Variants in SPIDR observed in about 807,000 individuals in gnomAD.
SPIDR encodes the protein scaffold protein involved in DNA repair, also known as DNA repair-scaffolding protein.
In SPIDR, 93 loss-of-function variants were observed where a neutral mutation model predicts 104.6. The observed-to-expected ratio is 0.89, with a 90% confidence interval of 0.75 to 1.06. The LOEUF (loss-of-function observed/expected upper bound fraction) is 1.06. Among genes scored for constraint, SPIDR ranks in the 50% least tolerant of loss-of-function variants. SPIDR has a pLI of 0.00. For missense variants in SPIDR, 1,154 were observed against 1,111.2 expected (o/e 1.04, Z -0.55); for synonymous variants, 431 against 416.9 (o/e 1.03, Z -0.41).
At chr8:47,481,785 A>G (rs898448114) in intron 8 of SPIDR, among the ~76,000 whole-genome samples, 1 of 152,230 alleles carries the variant, frequency 6.6e-6, no homozygotes, top group African/African-American at 2.4e-5. Flanking sequence ...GAGTTTTAAA[A>G]AAGACTAGAA....
In SPIDR at chr8:47,495,989, G is replaced by T. The variant is rs370670349; in HGVS notation, c.1097+55447G>T. On this transcript the variant is annotated intron_variant, in intron 8 of 19. Transcript: ENST00000297423. The stretch of plus-strand genomic sequence containing the variant: ...TTTTAATTTCATTTTCATATTGTCT[G>T]ATCATATAGAAATACAATTTAAATT... Among the ~76,000 whole-genome samples, 12 of 151,954 alleles carry T rather than the reference G, an allele frequency of 7.9e-5. No homozygotes were observed. In the South Asian group the frequency reaches 1.7e-3, roughly 21 times the overall value.
intron 6 of SPIDR, among the ~76,000 whole-genome samples, chr8:47,402,116 G>A (rs193071462): frequency 9.2e-4 from 140 of 151,878 alleles, no homozygotes; most frequent in African/African-American, 2.9e-3. Context: ...TAAAAGAACA[G>A]AAATTATAAC....
chr8:47,325,594 A>G (rs1303392626), intron 5 of SPIDR, among the ~76,000 whole-genome samples: 1 of 152,240 alleles, frequency 6.6e-6, no homozygotes, highest in Non-Finnish European at 1.5e-5. Flanking sequence ...TACTTAAAAC[A>G]AGTTACTGAT....
At chr8:47,345,592 T>G (rs1159827785) in intron 5 of SPIDR, among the ~76,000 whole-genome samples, 1 of 152,248 alleles carries the variant, frequency 6.6e-6, no homozygotes, top group Non-Finnish European at 1.5e-5. Context: ...TTCCTATCCA[T>G]GAGCATGGAA....
chr8:47,438,168 G>A (rs1319976847), intron 7 of SPIDR, among the ~76,000 whole-genome samples: 1 of 152,224 alleles, frequency 6.6e-6, no homozygotes, highest in African/African-American at 2.4e-5. Context: ...CCTGTGCTCA[G>A]CTGGCACACT....
At chr8:47,378,750 A>T (rs782731139) in intron 5 of SPIDR, among the ~76,000 whole-genome samples, 1 of 152,198 alleles carries the variant, frequency 6.6e-6, no homozygotes. Context: ...CATTATGTAC[A>T]CCTAAGATGG....
chr8:47,708,248 G>A (rs1040417403), intron 14 of SPIDR, among the ~76,000 whole-genome samples: 5 of 152,332 alleles, frequency 3.3e-5, no homozygotes, highest in Middle Eastern at 3.4e-3. Flanking sequence ...GCAGTGAGCC[G>A]AAATTGTGCC....
At chr8:47,398,921 G>A (rs1280058098) in intron 6 of SPIDR, among the ~76,000 whole-genome samples, 1 of 152,160 alleles carries the variant, frequency 6.6e-6, no homozygotes, top group Non-Finnish European at 1.5e-5. Context: ...ATGCTGCCAG[G>A]GCTGACCTCT....
At chr8:47,620,273 C>CTTTTTTTT (rs61006472) in intron 10 of SPIDR, among the ~76,000 whole-genome samples, 1 of 82,926 alleles carries the variant, frequency 1.2e-5, no homozygotes, top group Non-Finnish European at 2.4e-5. Flanking sequence ...CCATTTAAAC[C>CTTTTTTTT]TTTTTTTTTT....
Position 47,688,284 on chromosome 8 carries a change from G to A in SPIDR, c.1686-12119G>A, listed in dbSNP as rs560921451. On this transcript the variant is annotated intron_variant, in intron 11 of 19. Coordinates refer to ENST00000297423, the MANE Select transcript of SPIDR (RefSeq NM_001080394.4). ...ACTACAGGCGCCCGCCACCATGCCC[G>A]GCTAAGTTTTTGTATGTTCAGTAGA... 8.5e-5 allele frequency among the ~76,000 whole-genome samples: 13 copies of A among 152,082 alleles called. No individual in the cohort carries two copies. In the East Asian group the frequency reaches 1.2e-3, roughly 14 times the overall value.
At chr8:47,549,625 T>C (rs1368248148) in intron 8 of SPIDR, among the ~76,000 whole-genome samples, 1 of 152,240 alleles carries the variant, frequency 6.6e-6, no homozygotes, top group Non-Finnish European at 1.5e-5. Context: ...TTGTTTTTTC[T>C]TGTAAATTTG....
At chr8:47,539,233 C>G (rs966492203) in intron 8 of SPIDR, among the ~76,000 whole-genome samples, 8 of 152,106 alleles carry the variant, frequency 5.3e-5, no homozygotes, top group Admixed American at 5.2e-4. Flanking sequence ...CGTTACTGCA[C>G]TAGCGGAGAT....
intron 5 of SPIDR, among the ~76,000 whole-genome samples, chr8:47,380,306 C>T (rs73565220): frequency 0.018 from 2,767 of 152,264 alleles, 83 homozygotes; most frequent in African/African-American, 0.064. Context: ...CCAGACAGGT[C>T]GTATCACAGT....
intron 8 of SPIDR, among the ~76,000 whole-genome samples, chr8:47,553,421 T>G (rs1392691224): frequency 1.3e-5 from 2 of 152,218 alleles, no homozygotes; most frequent in Admixed American, 6.5e-5. Context: ...AGTCCCATAT[T>G]TTTTGGAGGC....
intron 8 of SPIDR, among the ~76,000 whole-genome samples, chr8:47,525,368 C>T: frequency 6.6e-6 from 1 of 152,210 alleles, no homozygotes; most frequent in East Asian, 1.9e-4. Flanking sequence ...AAAAAAGTAT[C>T]TTTCTTTCTA....
Position 47,284,042 on chromosome 8 carries a change from AGAG to A in SPIDR, c.205_207del (p.Glu69del). On this transcript the variant is annotated inframe_deletion, in exon 3 of 20. Transcript: ENST00000297423. ...TTTGCCTACAGTCATTAACAGCTGA[AGAG>A]AAGACGATTACAGAAAAGCACCTTG... 1 of 1,611,402 alleles carries A rather than the reference AGAG, an allele frequency of 6.2e-7. No homozygotes were observed.
chr8:47,713,549 T>G lies in SPIDR; in HGVS notation c.2249T>G (p.Val750Gly), dbSNP rs772256096. 1.1e-5 allele frequency: 17 copies of G among 1,614,130 alleles called. No individual in the cohort carries two copies. In the Middle Eastern group the frequency reaches 6.6e-4, roughly 63 times the overall value. ...LLLQKPLLSV[V>G]SGASSCELPG... is the part of the protein sequence containing the mutation. ...CTTCAGAAGCCCCTTTTGAGTGTGG[T>G]CTCTGGTGCAAGTTCCTGTGAGCTG... Residue 750 changes from valine to glycine, a missense_variant, in exon 16 of 20, where the codon GTC becomes GGC. Coordinates refer to ENST00000297423, the MANE Select transcript of SPIDR (RefSeq NM_001080394.4).
At chr8:47,399,254 G>T (rs1554660727) in intron 6 of SPIDR, among the ~76,000 whole-genome samples, 1 of 152,098 alleles carries the variant, frequency 6.6e-6, no homozygotes, top group Non-Finnish European at 1.5e-5. Context: ...GTGAAGGGAG[G>T]CACAAATGGG....
chr8:47,441,413 A>G (rs2069403800), intron 8 of SPIDR, among the ~76,000 whole-genome samples: 1 of 152,090 alleles, frequency 6.6e-6, no homozygotes, highest in Non-Finnish European at 1.5e-5. Context: ...TGTTTTTAAG[A>G]ACCACTTGAA....
Sources: allele counts gnomAD v4.1 joint callset (sites outside exome capture counted in the v4.1 genomes callset), GRCh38; gene constraint gnomAD v4.1.1; transcripts MANE v1.5; gene names NCBI Gene and HGNC (gene_info 2026-07-23, HGNC 2026-07-21).